WDR37: variants seen among roughly 807,000 people sequenced by gnomAD.
The protein encoded by WDR37 is WD repeat-containing protein 37.
In WDR37, 19 loss-of-function variants were observed where a neutral mutation model predicts 62.9. That is an observed-to-expected ratio of 0.30 (90% CI 0.21 to 0.44). The LOEUF is 0.44. Among genes scored for constraint, WDR37 ranks in the 20% least tolerant of loss-of-function variants. The pLI is 1.00. For synonymous variants in WDR37, 250 were observed against 260.9 expected (o/e 0.96, Z 0.40); for missense variants, 474 against 657.6 (o/e 0.72, Z 3.05).
chr10:1,068,498 AC>A (rs1833624808), intron 1 of WDR37, among the ~76,000 whole-genome samples: 1 of 152,058 alleles, frequency 6.6e-6, no homozygotes, highest in Admixed American at 6.6e-5. Context: ...GGTGGTGGAC[AC>A]CCTAAATAGC....
In WDR37 at chr10:1,105,953, T is replaced by C. The variant is rs1306608835; in HGVS notation, c.1103+686T>C. Among the ~76,000 whole-genome samples, 1 of 152,010 alleles carries C rather than the reference T, an allele frequency of 6.6e-6. No homozygotes were observed. Among genetic ancestry groups the C allele is most frequent in the Non-Finnish European group, 1.5e-5 (1 of 67,990 alleles). On this transcript the variant is annotated intron_variant, in intron 11 of 13. Coordinates refer to ENST00000263150, the MANE Select transcript of WDR37 (RefSeq NM_014023.4). This position sits in a 1 kb window ranked among gnomAD's most constrained non-coding sequence, Gnocchi z 5.3. Reference sequence around the variant, plus strand: ...GGCACCTGCCACCACGCCTGGCTAGTTTTTTGTATTTTTAGTAGAGATGGG... The same window carrying C: ...GGCACCTGCCACCACGCCTGGCTAGCTTTTTGTATTTTTAGTAGAGATGGG...
chr10:1,093,560 CCTTT>C (rs1231951004), intron 8 of WDR37, 64 bp downstream of exon 8: 109 of 1,303,936 alleles, frequency 8.4e-5, no homozygotes, highest in Non-Finnish European at 1.0e-4. Flanking sequence ...TATAAATATT[CCTTT>C]CTTATCGTAG....
intron 7 of WDR37, among the ~76,000 whole-genome samples, chr10:1,087,241 T>C (rs991204551): frequency 6.6e-6 from 1 of 152,208 alleles, no homozygotes; most frequent in Non-Finnish European, 1.5e-5. Flanking sequence ...TGCTGCCTTC[T>C]TACCTGTCTT....
intron 13 of WDR37, among the ~76,000 whole-genome samples, chr10:1,128,904 T>TGGC (rs1835887933): frequency 1.4e-5 from 2 of 147,606 alleles, no homozygotes; most frequent in African/African-American, 2.5e-5. Flanking sequence ...GGTCCATGCT[T>TGGC]GGTGGTCCAT....
At chr10:1,114,247 A>G (rs1369645438) in intron 11 of WDR37, among the ~76,000 whole-genome samples, 1 of 152,156 alleles carries the variant, frequency 6.6e-6, no homozygotes, top group Non-Finnish European at 1.5e-5. Flanking sequence ...GTGAGCCACC[A>G]TGCCTGGCCC....
chr10:1,068,721 T>G (rs577356588), intron 1 of WDR37, among the ~76,000 whole-genome samples: 1 of 152,250 alleles, frequency 6.6e-6, no homozygotes, highest in East Asian at 1.9e-4. Context: ...CTAAACATGA[T>G]TAAACATAAG....
At chr10:1,127,627 T>TG in intron 13 of WDR37, among the ~76,000 whole-genome samples, 1 of 151,700 alleles carries the variant, frequency 6.6e-6, no homozygotes. Flanking sequence ...AAAGCGAGCT[T>TG]GGTGGAGAGT....
intron 6 of WDR37, 26 bp downstream of exon 6, chr10:1,084,564 C>G: frequency 6.2e-7 from 1 of 1,604,284 alleles, no homozygotes. Flanking sequence ...ACCTGGCCAG[C>G]CTGCGGAAGC....
chr10:1,073,509 A>G (rs1833783507), intron 2 of WDR37, among the ~76,000 whole-genome samples: 2 of 152,250 alleles, frequency 1.3e-5, no homozygotes, highest in African/African-American at 2.4e-5. Flanking sequence ...TCTAATTTCT[A>G]TAAAAAGTGA....
At chr10:1,095,824 GCAGCTGTA>G (rs1834557563) in intron 8 of WDR37, among the ~76,000 whole-genome samples, 1 of 152,176 alleles carries the variant, frequency 6.6e-6, no homozygotes. Context: ...AGAGTTGATT[GCAGCTGTA>G]AGTTCTGATA....
intron 2 of WDR37, among the ~76,000 whole-genome samples, chr10:1,072,894 G>A (rs760186449): frequency 1.7e-4 from 26 of 152,094 alleles, no homozygotes; most frequent in Non-Finnish European, 3.4e-4. Flanking sequence ...ACAATTCTGG[G>A]TTTTCTGTCT....
intron 9 of WDR37, among the ~76,000 whole-genome samples, chr10:1,099,960 G>A (rs1391048216): frequency 7.8e-6 from 1 of 128,838 alleles, no homozygotes; most frequent in Non-Finnish European, 1.8e-5. Context: ...GTGCACTGAT[G>A]GTGGGCGTGG....
chr10:1,124,332 C>A lies in WDR37; in HGVS notation c.1218C>A (p.Arg406=). 6.2e-7 allele frequency: 1 copy of A among 1,614,180 alleles called. No individual in the cohort carries two copies. Among genetic ancestry groups the A allele is most frequent in the Non-Finnish European group, 8.5e-7 (1 of 1,180,032 alleles). Residue 406 remains arginine, a synonymous_variant, in exon 12 of 14, where the codon CGC becomes CGA. Transcript: ENST00000263150. Reference sequence around the variant, plus strand: ...TGAGATCCCCCATTGCAACTATTCGCACGGACTCTGCCATTAACAGGTAAA... The same window carrying A: ...TGAGATCCCCCATTGCAACTATTCGAACGGACTCTGCCATTAACAGGTAAA... ...KNMRSPIATI[R]TDSAINRINV...
intron 7 of WDR37, among the ~76,000 whole-genome samples, chr10:1,092,372 C>G (rs1251264178): frequency 6.6e-6 from 1 of 150,630 alleles, no homozygotes; most frequent in Non-Finnish European, 1.5e-5. Context: ...TACAAAAGAC[C>G]CTCTTTTTTT....
chr10:1,115,147 T>C (rs184588534), intron 11 of WDR37, among the ~76,000 whole-genome samples: 466 of 152,310 alleles, frequency 3.1e-3, no homozygotes, highest in East Asian at 5.4e-3. Context: ...TGTGCCGGGC[T>C]GGCAGTGTTT....
rs747191712 is a variant in WDR37 at position 1,096,262 on chromosome 10, T to A, written c.726+16T>A. 1.2e-6 allele frequency: 2 copies of A among 1,612,694 alleles called. No individual in the cohort carries two copies. The highest frequency in any genetic ancestry group is 1.3e-5 in the African/African-American group (1 of 75,014). On this transcript the variant is annotated intron_variant, in intron 9 of 13. Coordinates refer to ENST00000263150, the MANE Select transcript of WDR37 (RefSeq NM_014023.4). Reference sequence around the variant, plus strand: ...TGACACTAGTGTAAGCACCTTTCCTTACCTGTGAATGTGTAGGATGCTGAT... The same window carrying A: ...TGACACTAGTGTAAGCACCTTTCCTAACCTGTGAATGTGTAGGATGCTGAT...
rs931492150 is a variant in WDR37 at position 1,127,057 on chromosome 10, G to A, written c.1353+2033G>A. Reference sequence around the variant, plus strand: ...TCCTCACAGCTGCATCTTAGACACAGTAGAATGTTCTCTTTTCAATGTGCC... The same window carrying A: ...TCCTCACAGCTGCATCTTAGACACAATAGAATGTTCTCTTTTCAATGTGCC... On this transcript the variant is annotated intron_variant, in intron 13 of 13. Coordinates refer to ENST00000263150, the MANE Select transcript of WDR37 (RefSeq NM_014023.4). Among the ~76,000 whole-genome samples the A allele has an allele frequency of 3.3e-5, 5 of 152,214 alleles. 1 individual carries two copies. Among genetic ancestry groups the A allele is most frequent in the Admixed American group, 2.6e-4 (4 of 15,290 alleles).
At chr10:1,063,646 G>A (rs540960171) in intron 1 of WDR37, among the ~76,000 whole-genome samples, 1 of 152,258 alleles carries the variant, frequency 6.6e-6, no homozygotes, top group African/African-American at 2.4e-5. Context: ...TCATAAGAGG[G>A]ACCTTGCAAA....
At chr10:1,069,393 T>A (rs202153453) in intron 1 of WDR37, among the ~76,000 whole-genome samples, 45,461 of 80,624 alleles carry the variant, frequency 0.56, 11,604 homozygotes, top group East Asian at 0.74. Context: ...ATATATATTT[T>A]TTTTTTTTTT....
Sources: allele counts gnomAD v4.1 joint callset (sites outside exome capture counted in the v4.1 genomes callset), GRCh38; gene constraint gnomAD v4.1.1; non-coding constraint Gnocchi (gnomAD v3.1); transcripts MANE v1.5; gene names NCBI Gene and HGNC (gene_info 2026-07-23, HGNC 2026-07-21).